The following CCDC180 variants were observed in gnomAD, a reference collection of about 807,000 sequenced individuals.
CCDC180 encodes coiled-coil domain-containing protein 180.
A neutral mutation model predicts 209.2 loss-of-function variants in CCDC180; 154 were observed. The ratio of observed to expected loss-of-function variants is 0.74; its 90% CI spans 0.65 to 0.84. The LOEUF is 0.84. CCDC180 is among the 40% of genes least tolerant of loss of function. The pLI, the probability that CCDC180 is intolerant of heterozygous loss-of-function variation, is 0.00. For synonymous variants in CCDC180, 778 were observed against 749.1 expected, an observed-to-expected ratio of 1.04 and a Z score of -0.63; for missense variants, 1,874 against 1,997.3, an observed-to-expected ratio of 0.94 and a Z score of 1.18.
At chr9:97,325,791 A>G (rs78168115) in intron 14 of CCDC180, among the ~76,000 whole-genome samples, 3,315 of 152,336 alleles carry the variant, frequency 0.022, 50 homozygotes, top group Middle Eastern at 0.031. Context: ...CCCAGTGCCT[A>G]TCACAGCCTG....
intron 16 of CCDC180, 136 bp downstream of exon 16, chr9:97,328,282 G>T: frequency 1.0e-6 from 1 of 985,746 alleles, no homozygotes. Context: ...GAAGAAAGAA[G>T]CTGAAAGTGT....
chr9:97,333,993 G>A (rs1388000345), intron 18 of CCDC180, among the ~76,000 whole-genome samples: 4 of 150,704 alleles, frequency 2.7e-5, no homozygotes, highest in Admixed American at 2.0e-4. Flanking sequence ...GCTAATTTTT[G>A]TATTTTTTTT....
At position 97,366,689 on chromosome 9, in the gene CCDC180, C is replaced by A; in HGVS notation, c.4178C>A (p.Ser1393Tyr). 6.2e-7 allele frequency: 1 copy of A among 1,614,128 alleles called. No individual in the cohort carries two copies. Among genetic ancestry groups the A allele is most frequent in the Admixed American group, 1.7e-5 (1 of 60,010 alleles). Reference protein sequence around the residue: ...YQSQANKYHNSCLIELRIQIR... With the variant: ...YQSQANKYHNYCLIELRIQIR... Reference sequence around the variant, plus strand: ...AGCCAGGCAAATAAGTACCACAACTCCTGCCTCATAGGTGAGTATAGGCAG... The same window carrying A: ...AGCCAGGCAAATAAGTACCACAACTACTGCCTCATAGGTGAGTATAGGCAG... Residue 1393 changes from serine to tyrosine, a missense_variant, in exon 31 of 37, where the codon TCC (serine) becomes TAC (tyrosine). Ser to Tyr is a moderately radical substitution (Grantham distance 144, BLOSUM62 -2). Transcript: ENST00000529487. The surrounding 1 kb of genome is among the most constrained non-coding windows in gnomAD (Gnocchi z 4.3).
At chr9:97,326,771 A>G in intron 15 of CCDC180, 102 bp downstream of exon 15, 2 of 719,418 alleles carry the variant, frequency 2.8e-6, no homozygotes, top group Non-Finnish European at 4.9e-6. Flanking sequence ...CCAGCTTAAG[A>G]TGAAAATTGT....
chr9:97,317,089 A>G lies in CCDC180; in HGVS notation c.820A>G (p.Asn274Asp), dbSNP rs765642474. 3 of 1,612,982 alleles carry G rather than the reference A, an allele frequency of 1.9e-6. No homozygotes were observed. The highest frequency in any genetic ancestry group is 1.7e-5 in the Admixed American group (1 of 59,998). ...AMVMNYALLG[N>D]RKALAQLFVN... ...GGTCATGAACTATGCCCTGCTGGGC[A>G]ACCGGAAGGCTCTCGCCCAGCTGTT... The change falls in exon 9 of 37, where the codon AAC becomes GAC. Residue 274 changes from asparagine (N) to aspartate (D), a missense_variant. Physicochemically the swap from Asn to Asp is conservative, Grantham distance 23. Coordinates refer to ENST00000529487, the MANE Select transcript of CCDC180 (RefSeq NM_020893.6).
In CCDC180 at chr9:97,308,138, A is replaced by G; in HGVS notation, c.69+6A>G. The G allele has an allele frequency of 6.3e-7, 1 of 1,589,452 alleles. No homozygotes were observed. Among genetic ancestry groups the G allele is most frequent in the East Asian group, 2.2e-5 (1 of 44,460 alleles). ...AGCAGATCTTCCAGGCTGAGGTAGG[A>G]GCCGCCCTCTGTCCCGCTTTTCTCC... On this transcript the variant is annotated splice_donor_region_variant and intron_variant, in intron 2 of 36. Coordinates refer to ENST00000529487, the MANE Select transcript of CCDC180 (RefSeq NM_020893.6).
chr9:97,356,362 C>T (rs1436598192), intron 24 of CCDC180, among the ~76,000 whole-genome samples: 1 of 152,136 alleles, frequency 6.6e-6, no homozygotes, highest in Non-Finnish European at 1.5e-5. Context: ...GACTCCAGAC[C>T]CAGCTTCCTG....
Position 97,318,586 on chromosome 9 carries a change from T to C in CCDC180, c.1079+4T>C, listed in dbSNP as rs547617649. Reference sequence around the variant, plus strand: ...TGAAGCATCTCTGCACCATCTGGTATGGGCAGGAGGGGCGGCCCAGGAGGG... The same window carrying C: ...TGAAGCATCTCTGCACCATCTGGTACGGGCAGGAGGGGCGGCCCAGGAGGG... On this transcript the variant is annotated splice_donor_region_variant and intron_variant, in intron 10 of 36. Transcript: ENST00000529487. 1.9e-6 allele frequency: 3 copies of C among 1,612,016 alleles called. No individual in the cohort carries two copies. Among genetic ancestry groups the C allele is most frequent in the African/African-American group, 1.3e-5 (1 of 75,022 alleles).
intron 25 of CCDC180, 56 bp from the exon 26 acceptor site, chr9:97,359,926 A>G (rs1297306324): frequency 6.9e-6 from 11 of 1,601,828 alleles, no homozygotes; most frequent in African/African-American, 1.3e-5. Context: ...CACAGAATCT[A>G]CCCACCCTCC....
At chr9:97,370,186 A>G in intron 32 of CCDC180, 104 bp downstream of exon 32, 1 of 1,325,396 alleles carries the variant, frequency 7.5e-7, no homozygotes, top group South Asian at 1.5e-5. Flanking sequence ...GAAGAAGGTG[A>G]GCTTGGCTTG....
intron 19 of CCDC180, chr9:97,345,776 A>G (rs929778880): frequency 1.7e-4 from 31 of 184,528 alleles, no homozygotes; most frequent in African/African-American, 4.3e-4. Context: ...TATATATTCT[A>G]TATAAGGCTT....
intron 24 of CCDC180, among the ~76,000 whole-genome samples, chr9:97,355,965 G>A (rs965541660): frequency 6.6e-6 from 1 of 152,154 alleles, no homozygotes; most frequent in African/African-American, 2.4e-5. Context: ...GACAGTGGGG[G>A]CCTGGGAAGG....
chr9:97,370,274 G>A (rs191549921), intron 32 of CCDC180, among the ~76,000 whole-genome samples, 192 bp downstream of exon 32: 5 of 152,296 alleles, frequency 3.3e-5, no homozygotes, highest in Non-Finnish European at 7.3e-5. Context: ...CATAGAAGGT[G>A]TTCAGTAAAC....
intron 18 of CCDC180, 146 bp from the exon 19 acceptor site, chr9:97,343,194 G>T (rs1279560527): frequency 5.2e-6 from 3 of 571,714 alleles, no homozygotes; most frequent in Middle Eastern, 2.6e-4. Flanking sequence ...AGCACTGTGT[G>T]GGGGGCGAAA....
chr9:97,336,426 T>A (rs1825906282), intron 18 of CCDC180, among the ~76,000 whole-genome samples: 1 of 152,232 alleles, frequency 6.6e-6, no homozygotes, highest in South Asian at 2.1e-4. Flanking sequence ...GGAGATCCTG[T>A]CCCCATTGCT....
intron 29 of CCDC180, 49 bp from the exon 30 acceptor site, chr9:97,365,624 T>C (rs1826895976): frequency 6.5e-7 from 1 of 1,541,150 alleles, no homozygotes; most frequent in Non-Finnish European, 9.0e-7. Context: ...TGTCCATGTT[T>C]GTGTGTCTAG....
intron 18 of CCDC180, among the ~76,000 whole-genome samples, chr9:97,335,340 C>G (rs1007961647): frequency 6.6e-6 from 1 of 152,130 alleles, no homozygotes; most frequent in African/African-American, 2.4e-5. Flanking sequence ...TCCCCCACCC[C>G]ACAACAGGCC....
intron 9 of CCDC180, 22 bp from the exon 10 acceptor site, chr9:97,318,441 T>G: frequency 6.2e-7 from 1 of 1,612,440 alleles, no homozygotes; most frequent in Non-Finnish European, 8.5e-7. Flanking sequence ...CCCTTTATGG[T>G]GCCAACATGT....
intron 9 of CCDC180, 116 bp downstream of exon 9, chr9:97,317,344 C>T (rs977047660): frequency 5.1e-6 from 5 of 972,734 alleles, no homozygotes; most frequent in Admixed American, 3.1e-5. Flanking sequence ...TTTCTCTCTG[C>T]TCTTTTTAAA....
Sources: gnomAD v4.1 joint callset for allele counts (sites outside exome capture counted in the v4.1 genomes callset) on GRCh38, gnomAD v4.1.1 for gene constraint, Gnocchi (gnomAD v3.1) non-coding constraint, MANE v1.5 for transcripts, NCBI Gene and HGNC (gene_info 2026-07-23, HGNC 2026-07-21) for gene names.